Variants in DLG2 observed in about 807,000 individuals in gnomAD.
The protein encoded by DLG2 is disks large homolog 2.
In DLG2, 45 loss-of-function variants were observed where a neutral mutation model predicts 132.5. The ratio of observed to expected loss-of-function variants is 0.34; its 90% CI spans 0.27 to 0.44. The LOEUF is 0.44. Among genes scored for constraint, DLG2 ranks in the 20% least tolerant of loss-of-function variants. The pLI is 1.00. For synonymous variants in DLG2, 424 were observed against 419.6 expected (o/e 1.01, Z -0.13); for missense variants, 1,045 against 1,196.9 (o/e 0.87, Z 1.87).
chr11:84,136,352 TTTTG>T (rs1200557041), intron 9 of DLG2, among the ~76,000 whole-genome samples: 113 of 152,328 alleles, frequency 7.4e-4, no homozygotes, highest in African/African-American at 2.7e-3. Context: ...TACTAAAATC[TTTTG>T]TTTTCCTATT....
chr11:83,743,863 G>A (rs756063559), intron 18 of DLG2, among the ~76,000 whole-genome samples: 12 of 152,164 alleles, frequency 7.9e-5, no homozygotes, highest in Non-Finnish European at 1.2e-4. Flanking sequence ...GGCAGTGAAT[G>A]TTCAATAAAG....
chr11:84,601,092 T>C (rs2099575676), intron 6 of DLG2, among the ~76,000 whole-genome samples: 1 of 152,204 alleles, frequency 6.6e-6, no homozygotes. Context: ...ATCTCTACTC[T>C]GTTATTTTTA....
At position 84,858,983 on chromosome 11, in the gene DLG2, G is replaced by A. The variant is rs547071140; in HGVS notation, c.357+252678C>T. On this transcript the variant is annotated intron_variant, in intron 6 of 27. Coordinates refer to ENST00000376104, the MANE Select transcript of DLG2 (RefSeq NM_001142699.3). ...CTTATTGTTTAGCTATATAACTTTG[G>A]TCAAGATGCTTAATCTTTTTATAAC... Among the ~76,000 whole-genome samples the A allele has an allele frequency of 2.6e-5, 4 of 151,956 alleles. No homozygotes were observed. In the East Asian group the frequency reaches 7.8e-4, roughly 30 times the overall value.
In DLG2 at chr11:83,947,547, C is replaced by T. The variant is rs187356473; in HGVS notation, c.1340+15338G>A. On this transcript the variant is annotated intron_variant, in intron 14 of 27. Coordinates refer to ENST00000376104, the MANE Select transcript of DLG2 (RefSeq NM_001142699.3). ...CCAGCTAGCTCAACTATCATCACAG[C>T]GGAAGCCAGTCCTATAATGACTATG... is the stretch of plus-strand genomic sequence containing the variant. Among the ~76,000 whole-genome samples, 405 of 152,220 alleles carry T rather than the reference C, an allele frequency of 2.7e-3. 2 individuals are homozygous for T. The highest frequency in any genetic ancestry group is 9.0e-3 in the African/African-American group (372 of 41,548).
At chr11:84,862,677 G>A (rs1212370728) in intron 6 of DLG2, among the ~76,000 whole-genome samples, 2 of 152,006 alleles carry the variant, frequency 1.3e-5, no homozygotes, top group African/African-American at 4.8e-5. Flanking sequence ...CAGGGACCTG[G>A]ATGAAGCTGG....
intron 9 of DLG2, among the ~76,000 whole-genome samples, chr11:84,130,461 T>C (rs966997118): frequency 7.2e-6 from 1 of 138,744 alleles, no homozygotes; most frequent in Non-Finnish European, 1.6e-5. Context: ...TGTAAGAAAT[T>C]ATCAAACATC....
rs149037349 is a variant in DLG2 at position 85,548,053 on chromosome 11, A to G, written c.40+50604T>C. ...CTGGCAAGGAGTTGTGATCCTTTGG[A>G]GGAGAATAGGCATTCTGGTTTTTAG... is the stretch of plus-strand genomic sequence containing the variant. On this transcript the variant is annotated intron_variant, in intron 3 of 27. Transcript: ENST00000376104. 8.0e-3 allele frequency among the ~76,000 whole-genome samples: 1,221 copies of G among 152,208 alleles called. 17 individuals carry two copies. The highest frequency in any genetic ancestry group is 0.029 in the African/African-American group (1,188 of 41,532).
chr11:83,460,693 G>T (rs1269568211), intron 27 of DLG2, among the ~76,000 whole-genome samples: 1 of 152,026 alleles, frequency 6.6e-6, no homozygotes, highest in Non-Finnish European at 1.5e-5. Flanking sequence ...TATGACACTA[G>T]GTCTTAAAAA....
chr11:84,227,787 G>A (rs367570045), intron 8 of DLG2, among the ~76,000 whole-genome samples: 5 of 152,020 alleles, frequency 3.3e-5, no homozygotes, highest in Admixed American at 6.5e-5. Context: ...GGTGGTACAC[G>A]CCTGTACACC....
chr11:83,999,582 G>A (rs921070057), intron 11 of DLG2, among the ~76,000 whole-genome samples: 6 of 151,994 alleles, frequency 3.9e-5, no homozygotes, highest in African/African-American at 1.4e-4. Flanking sequence ...CCTAACATTA[G>A]TGTAACCATA....
chr11:85,265,916 C>A (rs2077184761), intron 4 of DLG2, among the ~76,000 whole-genome samples: 1 of 152,160 alleles, frequency 6.6e-6, no homozygotes, highest in Admixed American at 6.6e-5. Context: ...CAATAAAATT[C>A]TCCCCATTCA....
chr11:85,465,297 C>A (rs1327767943), intron 3 of DLG2, among the ~76,000 whole-genome samples: 1 of 151,006 alleles, frequency 6.6e-6, no homozygotes, highest in Non-Finnish European at 1.5e-5. Context: ...ATAGCCACTG[C>A]AACTGGCTAA....
At chr11:83,776,228 T>C (rs1020455443) in intron 18 of DLG2, among the ~76,000 whole-genome samples, 2 of 152,368 alleles carry the variant, frequency 1.3e-5, no homozygotes, top group South Asian at 4.1e-4. Context: ...TATGTATTCA[T>C]AGGTCCATAT....
intron 17 of DLG2, chr11:83,815,045 T>C (rs1381404242): frequency 6.5e-6 from 1 of 154,598 alleles, no homozygotes; most frequent in African/African-American, 2.4e-5. Flanking sequence ...GACTGGAAAC[T>C]ATCAATTTGC....
chr11:83,534,911 C>G (rs982809391), intron 20 of DLG2, among the ~76,000 whole-genome samples: 1 of 152,222 alleles, frequency 6.6e-6, no homozygotes, highest in Non-Finnish European at 1.5e-5. Context: ...CTATTGCACT[C>G]TAGCCTGGGT....
At chr11:84,550,514 T>C (rs547315660) in intron 6 of DLG2, among the ~76,000 whole-genome samples, 97 of 152,294 alleles carry the variant, frequency 6.4e-4, no homozygotes, top group Non-Finnish European at 1.2e-3. Context: ...TTCCTAACCA[T>C]GTGAGTTTTT....
At chr11:85,556,204 T>C (rs1171511668) in intron 3 of DLG2, among the ~76,000 whole-genome samples, 1 of 151,876 alleles carries the variant, frequency 6.6e-6, no homozygotes, top group South Asian at 2.1e-4. Flanking sequence ...ATTGCGTGTT[T>C]ACTATTACAG....
At chr11:84,274,120 G>A (rs943871020) in intron 7 of DLG2, among the ~76,000 whole-genome samples, 38 of 152,192 alleles carry the variant, frequency 2.5e-4, no homozygotes, top group South Asian at 1.2e-3. Flanking sequence ...AAAAAGACTC[G>A]TATAAGCATG....
chr11:85,504,381 A>AT (rs2093878665), intron 3 of DLG2, among the ~76,000 whole-genome samples: 1 of 152,120 alleles, frequency 6.6e-6, no homozygotes, highest in Non-Finnish European at 1.5e-5. Context: ...TCTTGAATTA[A>AT]TTTTTGTATA....
Sources: gnomAD v4.1 joint callset for allele counts (sites outside exome capture counted in the v4.1 genomes callset) on GRCh38, gnomAD v4.1.1 for gene constraint, MANE v1.5 for transcripts, NCBI Gene and HGNC (gene_info 2026-07-23, HGNC 2026-07-21) for gene names.